Variants in DDHD1 observed in about 807,000 individuals in gnomAD.
DDHD1 encodes phospholipase DDHD1.
A neutral mutation model predicts 96.4 loss-of-function variants in DDHD1; 49 were observed. The ratio of observed to expected loss-of-function variants is 0.51; its 90% CI spans 0.40 to 0.64. The LOEUF (loss-of-function observed/expected upper bound fraction) is 0.64, where lower values mean the gene tolerates loss of function less well. DDHD1 is among the 30% of genes least tolerant of loss of function. The pLI is 0.00. For missense variants in DDHD1, 1,106 were observed against 1,161.2 expected (o/e 0.95, Z 0.69); for synonymous variants, 442 against 446.5 (o/e 0.99, Z 0.13).
At chr14:53,109,079 G>A (rs113024910) in intron 1 of DDHD1, among the ~76,000 whole-genome samples, 3 of 152,256 alleles carry the variant, frequency 2.0e-5, no homozygotes, top group African/African-American at 4.8e-5. Context: ...TATAATGGAC[G>A]GTGTTACGGT....
At chr14:53,072,873 A>G (rs1177521632) in intron 5 of DDHD1, among the ~76,000 whole-genome samples, 170 bp from the exon 6 acceptor site, 1 of 151,880 alleles carries the variant, frequency 6.6e-6, no homozygotes, top group Admixed American at 6.6e-5. Flanking sequence ...AAATACTTCA[A>G]GAAAAAAAAA....
Position 53,063,006 on chromosome 14 carries a change from T to C in DDHD1, c.1703A>G (p.Asp568Gly). ...TTCTTCATAGCTCATCCATCGTTCATCAGGCAACTCTTCTTCCTTTTGCAG... is the reference window on the plus strand; with the variant it reads ...TTCTTCATAGCTCATCCATCGTTCACCAGGCAACTCTTCTTCCTTTTGCAG... The part of the protein sequence containing the change: ...QLLQKEEELP[D>G]ERWMSYEERH... Residue 568 changes from aspartate (D) to glycine (G), a missense_variant, in exon 7 of 13, where the codon GAT becomes GGT. Transcript: ENST00000673822. 6.2e-7 allele frequency: 1 copy of C among 1,613,992 alleles called. No individual in the cohort carries two copies. The highest frequency in any genetic ancestry group is 1.1e-5 in the South Asian group (1 of 91,074).
chr14:53,152,745 G>A lies in DDHD1; in HGVS notation c.354C>T (p.His118=), dbSNP rs2358188. 1,317,850 of 1,599,190 alleles carry A rather than the reference G, an allele frequency of 0.82. 549,944 individuals carry two copies. Among genetic ancestry groups the A allele is most frequent in the East Asian group, 0.96 (42,395 of 44,300 alleles). Residue 118 remains histidine (H), a synonymous_variant, in exon 1 of 13, where the codon CAC becomes CAT. Transcript: ENST00000673822. The part of the protein sequence containing the change: ...SGGGGSSLSL[H]PPQQPPLVPT... ...GGACCAGCGGAGGCTGCTGCGGCGGGTGCAGCGACAAGGAGCTGCCGCCGC... is the reference window on the plus strand; with the variant it reads ...GGACCAGCGGAGGCTGCTGCGGCGGATGCAGCGACAAGGAGCTGCCGCCGC...
chr14:53,042,931 T>G lies in DDHD1; in HGVS notation c.*3837A>C, dbSNP rs1881754440. On this transcript the variant is annotated 3_prime_UTR_variant, in exon 13 of 13. Transcript: ENST00000673822. ...AAATTAGTTTTCTCGATTGTCCACA[T>G]GCCTTACTCATTAATTAGCTGAGAA... 6.6e-6 allele frequency: 1 copy of G among 152,232 alleles called. No homozygotes were observed. Among genetic ancestry groups the G allele is most frequent in the African/African-American group, 2.4e-5 (1 of 41,474 alleles). The allele number at this position is 152,232 out of a possible 1,614,324, so 9.4% of individuals were successfully genotyped here. A position where few individuals can be genotyped will look rare whatever the true frequency, so the allele number is the denominator to read the frequency against.
At chr14:53,086,997 A>T (rs1192758355) in intron 4 of DDHD1, among the ~76,000 whole-genome samples, 11 of 139,206 alleles carry the variant, frequency 7.9e-5, no homozygotes, top group Non-Finnish European at 1.1e-4. Flanking sequence ...AAAAAAAAGC[A>T]GGGATTGCAA....
intron 4 of DDHD1, among the ~76,000 whole-genome samples, chr14:53,086,229 T>C (rs151027085): frequency 0.018 from 2,810 of 152,250 alleles, 38 homozygotes; most frequent in Admixed American, 0.04. Context: ...AAACACTCTT[T>C]AGGATATTAT....
In DDHD1 at chr14:53,044,821, C is replaced by G. The variant is rs1043976741; in HGVS notation, c.*1947G>C. 1 of 152,114 alleles carries G rather than the reference C, an allele frequency of 6.6e-6. No individual in the cohort carries two copies. Among genetic ancestry groups the G allele is most frequent in the African/African-American group, 2.4e-5 (1 of 41,432 alleles). 9.4% of individuals were successfully genotyped at this position (152,114 alleles called of 1,614,324 possible). A position where few individuals can be genotyped will look rare whatever the true frequency, so the allele number is the denominator to read the frequency against. On this transcript the variant is annotated 3_prime_UTR_variant, in exon 13 of 13. Transcript: ENST00000673822. ...ACAGTACTGAAGCACTAAGTAAAAC[C>G]TACAAGTAAGCCACAGATTCTACTA... is the stretch of plus-strand genomic sequence containing the variant.
intron 4 of DDHD1, among the ~76,000 whole-genome samples, chr14:53,085,575 A>G (rs1239320266): frequency 1.3e-5 from 2 of 152,156 alleles, no homozygotes; most frequent in Admixed American, 1.3e-4. Context: ...TAGAAGGAAA[A>G]CAAACAAACA....
chr14:53,055,142 G>T (rs1231190707), intron 10 of DDHD1, among the ~76,000 whole-genome samples: 1 of 152,206 alleles, frequency 6.6e-6, no homozygotes, highest in African/African-American at 2.4e-5. Flanking sequence ...GCAATGGACA[G>T]ATTCAAATAC....
chr14:53,110,501 AG>A (rs1320710555), intron 1 of DDHD1, among the ~76,000 whole-genome samples: 1 of 152,170 alleles, frequency 6.6e-6, no homozygotes, highest in African/African-American at 2.4e-5. Context: ...ACATTTAGCT[AG>A]CTTTTACATT....
At chr14:53,048,962 CATA>C (rs1449216534) in intron 12 of DDHD1, 1 of 152,202 alleles carries the variant, frequency 6.6e-6, no homozygotes, top group African/African-American at 2.4e-5. Context: ...AATGCCACTT[CATA>C]ATGTTTTCCT....
At chr14:53,086,538 T>C (rs1293379150) in intron 4 of DDHD1, among the ~76,000 whole-genome samples, 1 of 145,376 alleles carries the variant, frequency 6.9e-6, no homozygotes, top group Non-Finnish European at 1.5e-5. Flanking sequence ...CAGAATCTCA[T>C]ATCCAGCCAA....
chr14:53,146,572 A>G (rs1356676312), intron 1 of DDHD1, among the ~76,000 whole-genome samples: 4 of 152,202 alleles, frequency 2.6e-5, no homozygotes, highest in African/African-American at 9.6e-5. Context: ...CGTACATAAA[A>G]TATAATTACT....
intron 12 of DDHD1, 103 bp from the exon 13 acceptor site, chr14:53,047,052 A>G (rs1595076586): frequency 1.2e-6 from 1 of 860,324 alleles, no homozygotes; most frequent in East Asian, 3.1e-5. Flanking sequence ...AATAGAAGTG[A>G]TTCTGTCACT....
At chr14:53,103,143 T>A in intron 2 of DDHD1, 1 of 1,278,782 alleles carries the variant, frequency 7.8e-7, no homozygotes, top group Non-Finnish European at 1.1e-6. Flanking sequence ...AATGTGGCAA[T>A]CTTAGCTACT....
chr14:53,055,686 G>T lies in DDHD1; in HGVS notation c.2219C>A (p.Thr740Lys). 1 of 1,613,980 alleles carries T rather than the reference G, an allele frequency of 6.2e-7. No homozygotes were observed. The highest frequency in any genetic ancestry group is 8.5e-7 in the Non-Finnish European group (1 of 1,179,898). ...TAATATGCTTGCTTTGCCTATATTTGTTATAGATTCTCCATAGTGTCGGCG... is the reference window on the plus strand; with the variant it reads ...TAATATGCTTGCTTTGCCTATATTTTTTATAGATTCTCCATAGTGTCGGCG... ...LSRRHYGESI[T>K]NIGKASILGA... The change falls in exon 10 of 13, where the codon ACA (threonine) becomes AAA (lysine). Residue 740 changes from threonine to lysine, a missense_variant. Transcript: ENST00000673822.
Position 53,055,645 on chromosome 14 carries a change from C to T in DDHD1, c.2245+15G>A, listed in dbSNP as rs1882981679. 1 of 1,612,658 alleles carries T rather than the reference C, an allele frequency of 6.2e-7. No individual in the cohort carries two copies. The highest frequency in any genetic ancestry group is 8.5e-7 in the Non-Finnish European group (1 of 1,178,860). The stretch of plus-strand genomic sequence containing the variant: ...TGCTTATATGCATAGATAAGGAATA[C>T]ATAAGAGAAATTACCTAATATGCTT... On this transcript the variant is annotated intron_variant, in intron 10 of 12. Coordinates refer to ENST00000673822, the MANE Select transcript of DDHD1 (RefSeq NM_001160148.2).
At chr14:53,123,071 T>C (rs935392298) in intron 1 of DDHD1, among the ~76,000 whole-genome samples, 2 of 151,210 alleles carry the variant, frequency 1.3e-5, no homozygotes, top group Non-Finnish European at 2.9e-5. Context: ...CTAGAGAAAT[T>C]CTGGCACATT....
At position 53,098,753 on chromosome 14, in the gene DDHD1, A is replaced by G. The variant is rs546372642; in HGVS notation, c.1012+4930T>C. Among the ~76,000 whole-genome samples, 14 of 152,216 alleles carry G rather than the reference A, an allele frequency of 9.2e-5. No individual in the cohort carries two copies. The South Asian group carries it at 1.4e-3, about 16-fold the overall frequency. ...GGGGTATATTTATTCAGCTACAGTG[A>G]TAGGAATACACACTTCATCCACCAA... is the stretch of plus-strand genomic sequence containing the variant. On this transcript the variant is annotated intron_variant, in intron 2 of 12. Transcript: ENST00000673822.
Sources: gnomAD v4.1 joint callset for allele counts (sites outside exome capture counted in the v4.1 genomes callset) on GRCh38, gnomAD v4.1.1 for gene constraint, MANE v1.5 for transcripts, NCBI Gene and HGNC (gene_info 2026-07-23, HGNC 2026-07-21) for gene names.